The following FBXO28 variants were observed in gnomAD, a reference collection of about 807,000 sequenced individuals.
The protein encoded by FBXO28 is F-box only protein 28.
In FBXO28, 8 loss-of-function variants were observed where a neutral mutation model predicts 38.1. That is an observed-to-expected ratio of 0.21 (90% CI 0.12 to 0.38). The LOEUF is 0.38. FBXO28 is among the 10% of genes least tolerant of loss of function. FBXO28 has a pLI of 1.00. For synonymous variants in FBXO28, 168 were observed against 173.8 expected, an observed-to-expected ratio of 0.97 and a Z score of 0.26; for missense variants, 345 against 460.6, an observed-to-expected ratio of 0.75 and a Z score of 2.30.
chr1:224,151,297 C>T (rs900095363), intron 3 of FBXO28, among the ~76,000 whole-genome samples: 4 of 152,150 alleles, frequency 2.6e-5, no homozygotes, highest in Non-Finnish European at 4.4e-5. Context: ...CATCTGCCTA[C>T]GTACACCACC....
chr1:224,144,237 G>A (rs1657442822), intron 3 of FBXO28, among the ~76,000 whole-genome samples: 1 of 151,300 alleles, frequency 6.6e-6, no homozygotes, highest in African/African-American at 2.4e-5. Flanking sequence ...GCCAAGATAG[G>A]AGGATCACTT....
intron 3 of FBXO28, among the ~76,000 whole-genome samples, chr1:224,139,928 A>T (rs1475552627): frequency 4.1e-5 from 6 of 147,510 alleles, no homozygotes; most frequent in South Asian, 4.3e-4. Context: ...CCCCGTCTCT[A>T]AAAAAAAAAT....
At chr1:224,143,610 G>T (rs1657421976) in intron 3 of FBXO28, among the ~76,000 whole-genome samples, 2 of 151,940 alleles carry the variant, frequency 1.3e-5, no homozygotes, top group Admixed American at 1.3e-4. Flanking sequence ...AGATCACGAG[G>T]TCAGGTGATC....
chr1:224,126,796 C>G (rs1005163792), intron 1 of FBXO28, among the ~76,000 whole-genome samples: 1 of 152,154 alleles, frequency 6.6e-6, no homozygotes, highest in Non-Finnish European at 1.5e-5. Flanking sequence ...GGCAACAGAG[C>G]AAGACTCCCT....
chr1:224,119,136 T>TTTC (rs1553287736), intron 1 of FBXO28, among the ~76,000 whole-genome samples: 16 of 494 alleles, frequency 0.032, no homozygotes, highest in South Asian at 0.071. Context: ...CTTTTTTTTC[T>TTTC]TTTTTTTTTT....
intron 3 of FBXO28, among the ~76,000 whole-genome samples, chr1:224,146,770 C>T (rs554938228): frequency 7.0e-6 from 1 of 143,180 alleles, no homozygotes; most frequent in Admixed American, 7.5e-5. Context: ...TGCAGTGGCA[C>T]GATCTGGGTT....
intron 1 of FBXO28, among the ~76,000 whole-genome samples, chr1:224,123,295 A>G (rs1322245547): frequency 6.6e-6 from 1 of 151,824 alleles, no homozygotes; most frequent in South Asian, 2.1e-4. Context: ...TGTAATCCTA[A>G]CACTTTGGGA....
chr1:224,153,513 A>G lies in FBXO28; in HGVS notation c.712+176A>G, dbSNP rs932589834. 2.8e-4 allele frequency among the ~76,000 whole-genome samples: 43 copies of G among 152,182 alleles called. 1 individual carries two copies. Among genetic ancestry groups the G allele is most frequent in the African/African-American group, 9.9e-4 (41 of 41,438 alleles). On this transcript the variant is annotated intron_variant, in intron 4 of 4. Transcript: ENST00000366862. ...CACAACTAATCCACTAGTTAGGCTC[A>G]TTTCTTGTTTCTAGCTTTTCAGTAC...
chr1:224,146,225 C>T (rs2102629803), intron 3 of FBXO28, among the ~76,000 whole-genome samples: 1 of 150,416 alleles, frequency 6.6e-6, no homozygotes, highest in South Asian at 2.1e-4. Context: ...TAGAGTGAGA[C>T]TGTCTTCAAA....
At position 224,134,219 on chromosome 1, in the gene FBXO28, T is replaced by G; in HGVS notation, c.516+7T>G. The G allele has an allele frequency of 6.2e-7, 1 of 1,611,894 alleles. No homozygotes were observed. The highest frequency in any genetic ancestry group is 8.5e-7 in the Non-Finnish European group (1 of 1,179,350). On this transcript the variant is annotated splice_region_variant and intron_variant, in intron 3 of 4. Coordinates refer to ENST00000366862, the MANE Select transcript of FBXO28 (RefSeq NM_015176.4). ...TTGCTTCATCCCAGGAAAGGTAAAATAGAATTGCTTGCCTAGAACAGCTGG... is the reference window on the plus strand; with the variant it reads ...TTGCTTCATCCCAGGAAAGGTAAAAGAGAATTGCTTGCCTAGAACAGCTGG...
intron 1 of FBXO28, among the ~76,000 whole-genome samples, chr1:224,125,495 G>A (rs996076928): frequency 6.6e-6 from 1 of 151,994 alleles, no homozygotes. Flanking sequence ...CCAGAACCAC[G>A]TCTTTAGTCC....
chr1:224,134,052 TTTATTATTATTATTA>T lies in FBXO28; in HGVS notation c.378-17_378-3del. 6.9e-7 allele frequency: 1 copy of T among 1,452,360 alleles called. No individual in the cohort carries two copies. The highest frequency in any genetic ancestry group is 9.1e-7 in the Non-Finnish European group (1 of 1,102,048). The allele number at this position is 1,452,360 out of a possible 1,614,324, so 90.0% of individuals were successfully genotyped here. A position where few individuals can be genotyped will look rare whatever the true frequency, so the allele number is the denominator to read the frequency against. ...ATACTGCTTTAATGGTTGCCTTGCT[TTTATTATTATTATTA>T]TTATAGGAGAGAGTCAGAAAGGAGA... On this transcript the variant is annotated splice_polypyrimidine_tract_variant and splice_region_variant and intron_variant, in intron 2 of 4. Transcript: ENST00000366862.
intron 1 of FBXO28, among the ~76,000 whole-genome samples, chr1:224,119,135 C>CTTTCT (rs1656713032): frequency 9.1e-6 from 1 of 109,910 alleles, no homozygotes; most frequent in South Asian, 2.9e-4. Context: ...TCTTTTTTTT[C>CTTTCT]TTTTTTTTTT....
At chr1:224,114,589 T>C (rs1457238243) in intron 1 of FBXO28, among the ~76,000 whole-genome samples, 193 bp downstream of exon 1, 1 of 152,248 alleles carries the variant, frequency 6.6e-6, no homozygotes, top group Non-Finnish European at 1.5e-5. Context: ...GATTGCGTCC[T>C]AGCTGCGGAG....
intron 3 of FBXO28, among the ~76,000 whole-genome samples, chr1:224,144,762 A>G (rs1657457995): frequency 6.6e-6 from 1 of 152,040 alleles, no homozygotes; most frequent in Non-Finnish European, 1.5e-5. Context: ...CCATCTCAAA[A>G]AACAAAAAAC....
rs1348570537 is a variant in FBXO28, at chr1:224,159,381, T to C, written c.*1635T>C. ...AGCTTTTTCTATCCATTTTTAATAT[T>C]GTCCTTACATAATATTGTCCTTAGA... On this transcript the variant is annotated 3_prime_UTR_variant, in exon 5 of 5. Coordinates refer to ENST00000366862, the MANE Select transcript of FBXO28 (RefSeq NM_015176.4). 2 of 152,740 alleles carry C rather than the reference T, an allele frequency of 1.3e-5. No individual in the cohort carries two copies. Among genetic ancestry groups the C allele is most frequent in the African/African-American group, 4.8e-5 (2 of 41,568 alleles). 9.5% of individuals were successfully genotyped at this position (152,740 alleles called of 1,614,324 possible). A position where few individuals can be genotyped will look rare whatever the true frequency, so the allele number is the denominator to read the frequency against.
intron 1 of FBXO28, among the ~76,000 whole-genome samples, chr1:224,121,933 GC>G (rs1656788980): frequency 6.6e-6 from 1 of 152,024 alleles, no homozygotes; most frequent in African/African-American, 2.4e-5. Context: ...GCACCACCAC[GC>G]CTGGCTAATG....
intron 1 of FBXO28, among the ~76,000 whole-genome samples, chr1:224,128,388 A>G (rs1009043071): frequency 6.6e-6 from 1 of 152,166 alleles, no homozygotes; most frequent in Admixed American, 6.6e-5. Flanking sequence ...TGTATACTAG[A>G]TCTAATTAAG....
At chr1:224,121,568 C>T (rs1006981942) in intron 1 of FBXO28, among the ~76,000 whole-genome samples, 1 of 152,204 alleles carries the variant, frequency 6.6e-6, no homozygotes, top group East Asian at 1.9e-4. Flanking sequence ...CAGCTCACTG[C>T]AGCCTCAAAC....
Sources: gnomAD v4.1 joint callset for allele counts (sites outside exome capture counted in the v4.1 genomes callset) on GRCh38, gnomAD v4.1.1 for gene constraint, MANE v1.5 for transcripts, NCBI Gene and HGNC (gene_info 2026-07-23, HGNC 2026-07-21) for gene names.